The following UBR1 variants were observed in gnomAD, a reference collection of about 807,000 sequenced individuals.
The protein encoded by UBR1 is ubiquitin protein ligase E3 component n-recognin 1, also known as E3 ubiquitin-protein ligase UBR1.
UBR1 carries 102 observed loss-of-function variants against 242.1 expected under a neutral mutation model. The ratio of observed to expected loss-of-function variants is 0.42; its 90% confidence interval spans 0.36 to 0.50. The LOEUF (loss-of-function observed/expected upper bound fraction) is 0.50. Ranked by LOEUF, UBR1 falls within the 20% of genes least tolerant of loss-of-function variation. The pLI, the probability that UBR1 is intolerant of heterozygous loss-of-function variation, is 0.01. For missense variants in UBR1, 1,772 were observed against 2,101.8 expected (o/e 0.84, Z 3.07); for synonymous variants, 675 against 684.8 (o/e 0.99, Z 0.22).
chr15:42,961,423 C>CTTT (rs766721149), intron 42 of UBR1, among the ~76,000 whole-genome samples: 1 of 131,894 alleles, frequency 7.6e-6, no homozygotes, highest in Non-Finnish European at 1.6e-5. Context: ...CTATGTTCCT[C>CTTT]TTTTTTTTTT....
At chr15:42,973,310 T>G (rs544535807) in intron 39 of UBR1, among the ~76,000 whole-genome samples, 73 of 152,290 alleles carry the variant, frequency 4.8e-4, no homozygotes, top group Middle Eastern at 6.8e-3. Context: ...TTGCCCCGTT[T>G]TTTTGAGACC....
At chr15:42,999,558 G>A (rs1392894637) in intron 32 of UBR1, among the ~76,000 whole-genome samples, 1 of 152,206 alleles carries the variant, frequency 6.6e-6, no homozygotes, top group Admixed American at 6.5e-5. Context: ...GCTGGGTGCA[G>A]TGGCTCAGGC....
At chr15:43,104,221 C>T (rs912998925) in intron 1 of UBR1, among the ~76,000 whole-genome samples, 17 of 152,090 alleles carry the variant, frequency 1.1e-4, no homozygotes, top group Non-Finnish European at 1.6e-4. Flanking sequence ...AGCTCAATTC[C>T]TGTATCATTA....
chr15:43,063,300 G>A (rs1460124693), intron 6 of UBR1, among the ~76,000 whole-genome samples: 1 of 152,126 alleles, frequency 6.6e-6, no homozygotes, highest in African/African-American at 2.4e-5. Context: ...AGATCTTTCC[G>A]TTCCATATGA....
intron 1 of UBR1, among the ~76,000 whole-genome samples, chr15:43,087,078 CA>C (rs1233434211): frequency 2.0e-5 from 3 of 152,128 alleles, no homozygotes; most frequent in African/African-American, 7.2e-5. Flanking sequence ...CATTTAAAAA[CA>C]ACAACAAAAA....
chr15:43,050,702 C>T (rs1345983852), intron 12 of UBR1, among the ~76,000 whole-genome samples: 2 of 137,644 alleles, frequency 1.5e-5, no homozygotes, highest in African/African-American at 5.6e-5. Context: ...CCAGCCTGGG[C>T]AACAGAGCGA....
At chr15:43,080,967 G>A (rs947356139) in intron 3 of UBR1, among the ~76,000 whole-genome samples, 12 of 152,020 alleles carry the variant, frequency 7.9e-5, no homozygotes, top group Admixed American at 2.0e-4. Flanking sequence ...AAAACATTTC[G>A]TGTGCAGTTT....
intron 41 of UBR1, among the ~76,000 whole-genome samples, chr15:42,964,330 G>A (rs765798227): frequency 2.0e-5 from 3 of 152,044 alleles, no homozygotes; most frequent in Non-Finnish European, 2.9e-5. Context: ...TTAGCCAGGC[G>A]TGGTGGCACA....
intron 44 of UBR1, among the ~76,000 whole-genome samples, chr15:42,954,458 C>T (rs1056192271): frequency 6.6e-6 from 1 of 152,072 alleles, no homozygotes; most frequent in African/African-American, 2.4e-5. Flanking sequence ...AGTTAACTTC[C>T]CCAACTTCAT....
At chr15:43,095,502 T>C (rs1446912481) in intron 1 of UBR1, among the ~76,000 whole-genome samples, 1 of 151,374 alleles carries the variant, frequency 6.6e-6, no homozygotes, top group Non-Finnish European at 1.5e-5. Context: ...CACAGCATAT[T>C]TCCATAAGCA....
At position 43,086,179 on chromosome 15, in the gene UBR1, G is replaced by A; in HGVS notation, c.143C>T (p.Pro48Leu). ...GTCCATTTCAGCAAAGTAAATTTCT[G>A]GCACCAATTGTGCCAAATGATGCAA... ...AFLHHLAQLV[P>L]EIYFAEMDPD... The change falls in exon 2 of 47, where the codon CCA becomes CTA. Residue 48 changes from proline to leucine, a missense_variant. Around this residue, in one of 3 missense-constraint regions of UBR1, gnomAD observed 734 missense variants for 893.3 expected, o/e 0.82. Coordinates refer to ENST00000290650, the MANE Select transcript of UBR1 (RefSeq NM_174916.3). The A allele has an allele frequency of 6.2e-7, 1 of 1,613,870 alleles. No homozygotes were observed. The highest frequency in any genetic ancestry group is 8.5e-7 in the Non-Finnish European group (1 of 1,179,952).
intron 29 of UBR1, among the ~76,000 whole-genome samples, chr15:43,010,945 A>G (rs942570556): frequency 6.6e-6 from 1 of 152,062 alleles, no homozygotes; most frequent in African/African-American, 2.4e-5. Context: ...AGCCGAGATC[A>G]CGCCACTGTA....
chr15:43,038,982 CA>C (rs1251005916), intron 15 of UBR1, among the ~76,000 whole-genome samples: 1 of 151,052 alleles, frequency 6.6e-6, no homozygotes, highest in African/African-American at 2.4e-5. Context: ...GTACTTTTAA[CA>C]AAAATTTTTA....
At position 42,956,718 on chromosome 15, in the gene UBR1, G is replaced by A. The variant is rs1041233168; in HGVS notation, c.4835+1295C>T. 2.0e-5 allele frequency among the ~76,000 whole-genome samples: 3 copies of A among 152,224 alleles called. No individual in the cohort carries two copies. In the East Asian group the frequency reaches 5.8e-4, roughly 29 times the overall value. Reference sequence around the variant, plus strand: ...AAGGAAGAAGCTGGCATTTTGTGTAGTGGCTAGCATCCTCTATTCCCCAAT... The same window carrying A: ...AAGGAAGAAGCTGGCATTTTGTGTAATGGCTAGCATCCTCTATTCCCCAAT... On this transcript the variant is annotated intron_variant, in intron 44 of 46. Transcript: ENST00000290650.
chr15:42,976,838 C>T lies in UBR1; in HGVS notation c.4248G>A (p.Leu1416=). The part of the protein sequence containing the change: ...LVGAVLAFPS[L]YWDDPVDLQP... ...GCAGATCAACAGGGTCATCCCAATA[C>T]AAGGATGGGAATGCTAACACAGCAC... The change falls in exon 39 of 47, where the codon TTG becomes TTA. Residue 1416 remains leucine (L), a synonymous_variant. Transcript: ENST00000290650. The T allele has an allele frequency of 3.7e-6, 6 of 1,613,950 alleles. No homozygotes were observed. The highest frequency in any genetic ancestry group is 5.1e-6 in the Non-Finnish European group (6 of 1,179,948).
intron 6 of UBR1, among the ~76,000 whole-genome samples, chr15:43,062,901 G>GAAA (rs558448367): frequency 9.7e-5 from 14 of 144,348 alleles, no homozygotes; most frequent in African/African-American, 3.3e-4. Flanking sequence ...TGTCTACTCT[G>GAAA]AAAAAAAAAA....
At chr15:43,102,716 C>G (rs533374922) in intron 1 of UBR1, among the ~76,000 whole-genome samples, 1 of 152,234 alleles carries the variant, frequency 6.6e-6, no homozygotes, top group Non-Finnish European at 1.5e-5. Context: ...TCACACTACT[C>G]TCACCTCCTA....
At chr15:43,032,131 C>T (rs78003474) in intron 20 of UBR1, among the ~76,000 whole-genome samples, 1,992 of 152,194 alleles carry the variant, frequency 0.013, 39 homozygotes, top group African/African-American at 0.046. Context: ...TATTTGTATT[C>T]AATAGGTTAG....
chr15:42,952,453 A>T lies in UBR1; in HGVS notation c.4836-5T>A. On this transcript the variant is annotated splice_region_variant and splice_polypyrimidine_tract_variant and intron_variant, in intron 44 of 46. Transcript: ENST00000290650. ...TCATCTGCAGACCGTGGGCACCTCAAAAGAGAAGAAAACATTTAGAGAATG... is the reference window on the plus strand; with the variant it reads ...TCATCTGCAGACCGTGGGCACCTCATAAGAGAAGAAAACATTTAGAGAATG... 1 of 1,614,216 alleles carries T rather than the reference A, an allele frequency of 6.2e-7. No individual in the cohort carries two copies. The highest frequency in any genetic ancestry group is 8.5e-7 in the Non-Finnish European group (1 of 1,180,024).
Sources: allele counts gnomAD v4.1 joint callset (sites outside exome capture counted in the v4.1 genomes callset), GRCh38; gene constraint gnomAD v4.1.1; regional missense constraint gnomAD v4.1.1; transcripts MANE v1.5; gene names NCBI Gene and HGNC (gene_info 2026-07-23, HGNC 2026-07-21).